CNTN4: variants seen among roughly 807,000 people sequenced by gnomAD.
The protein encoded by CNTN4 is contactin-4.
In CNTN4, 77 loss-of-function variants were observed where a neutral mutation model predicts 122.5. The observed-to-expected ratio is 0.63, with a 90% CI of 0.52 to 0.76. The LOEUF is 0.76. CNTN4 is among the 30% of genes least tolerant of loss of function. The pLI is 0.00. For synonymous variants in CNTN4, 512 were observed against 447.0 expected, an observed-to-expected ratio of 1.15 and a Z score of -1.83; for missense variants, 1,256 against 1,259.1, an observed-to-expected ratio of 1.00 and a Z score of 0.04.
chr3:2,479,016 A>G (rs1400600782), intron 3 of CNTN4, among the ~76,000 whole-genome samples: 2 of 151,874 alleles, frequency 1.3e-5, no homozygotes, highest in Admixed American at 1.3e-4. Flanking sequence ...TTAACTGCAT[A>G]TTCTCTTATT....
At chr3:2,695,058 C>T (rs1054655354) in intron 4 of CNTN4, among the ~76,000 whole-genome samples, 1 of 152,154 alleles carries the variant, frequency 6.6e-6, no homozygotes, top group African/African-American at 2.4e-5. Context: ...GTAGTCAGTG[C>T]ATCTGTTGAC....
chr3:2,617,633 T>C (rs112331963), intron 4 of CNTN4, among the ~76,000 whole-genome samples: 8,890 of 151,926 alleles, frequency 0.059, 877 homozygotes, highest in African/African-American at 0.2. Context: ...ATGTTGGCCA[T>C]GATGGTCTTG....
chr3:2,573,789 G>A (rs538149538), intron 4 of CNTN4, among the ~76,000 whole-genome samples: 3 of 152,064 alleles, frequency 2.0e-5, no homozygotes, highest in Non-Finnish European at 4.4e-5. Context: ...TGTTTTACAC[G>A]GCATTAATAT....
At chr3:2,888,788 C>G (rs529696232) in intron 10 of CNTN4, among the ~76,000 whole-genome samples, 2 of 152,022 alleles carry the variant, frequency 1.3e-5, no homozygotes, top group Non-Finnish European at 1.5e-5. Context: ...AACTCAGTTG[C>G]ACATGCACAT....
chr3:2,692,576 C>G (rs750340663), intron 4 of CNTN4, among the ~76,000 whole-genome samples: 48 of 152,084 alleles, frequency 3.2e-4, no homozygotes, highest in Non-Finnish European at 5.0e-4. Context: ...ATTTCTTTGA[C>G]TAAAATATCC....
At chr3:2,340,685 TTATATATATATA>T (rs373402290) in intron 3 of CNTN4, among the ~76,000 whole-genome samples, 5 of 29,620 alleles carry the variant, frequency 1.7e-4, no homozygotes, top group Admixed American at 6.6e-4. Context: ...GTCATAAATT[TTATATATATATA>T]TATATATATA....
At chr3:3,034,945 A>G (rs1178400847) in intron 17 of CNTN4, among the ~76,000 whole-genome samples, 155 bp downstream of exon 17, 1 of 152,174 alleles carries the variant, frequency 6.6e-6, no homozygotes, top group Non-Finnish European at 1.5e-5. Flanking sequence ...ACTATCATTA[A>G]TATTTTTCTT....
intron 8 of CNTN4, among the ~76,000 whole-genome samples, chr3:2,869,296 A>G (rs12494869): frequency 0.23 from 34,749 of 151,900 alleles, 4,636 homozygotes; most frequent in East Asian, 0.69. Flanking sequence ...TACTACTGCA[A>G]TTAATTCAGT....
intron 3 of CNTN4, among the ~76,000 whole-genome samples, chr3:2,457,724 T>G (rs1193112938): frequency 6.6e-6 from 1 of 152,142 alleles, no homozygotes; most frequent in African/African-American, 2.4e-5. Context: ...ATTGGGCTTA[T>G]GCAGTTGATT....
At chr3:2,913,801 A>G (rs1054899515) in intron 12 of CNTN4, among the ~76,000 whole-genome samples, 1 of 152,230 alleles carries the variant, frequency 6.6e-6, no homozygotes, top group African/African-American at 2.4e-5. Context: ...CCTGTAGGCC[A>G]GTTGGACCTA....
At chr3:2,620,151 C>G (rs2081940158) in intron 4 of CNTN4, among the ~76,000 whole-genome samples, 2 of 152,158 alleles carry the variant, frequency 1.3e-5, no homozygotes, top group African/African-American at 4.8e-5. Context: ...TATTTTACTT[C>G]TCACTTACTT....
intron 3 of CNTN4, among the ~76,000 whole-genome samples, chr3:2,391,098 T>C (rs999808065): frequency 1.3e-5 from 2 of 152,158 alleles, no homozygotes; most frequent in Non-Finnish European, 2.9e-5. Context: ...GTACTGACCT[T>C]CCCTGCTGCA....
intron 3 of CNTN4, among the ~76,000 whole-genome samples, chr3:2,471,677 G>C (rs1017963919): frequency 1.2e-4 from 19 of 152,174 alleles, no homozygotes; most frequent in African/African-American, 4.6e-4. Flanking sequence ...TTGGTTCACA[G>C]TATTCCAAAA....
chr3:2,581,542 A>G (rs755490064), intron 4 of CNTN4, among the ~76,000 whole-genome samples: 1 of 152,204 alleles, frequency 6.6e-6, no homozygotes, highest in East Asian at 1.9e-4. Context: ...TAAGGTAAAT[A>G]CTGTTTTAAC....
At position 3,036,408 on chromosome 3, in the gene CNTN4, G is replaced by A. The variant is rs566975042; in HGVS notation, c.1943-771G>A. The stretch of plus-strand genomic sequence containing the variant: ...GAATTCTAGACCTGACTGCTAATCA[G>A]CTGATCTCTATACATCTTCATTTTC... On this transcript the variant is annotated intron_variant, in intron 17 of 24. Transcript: ENST00000418658. Among the ~76,000 whole-genome samples, 12 of 152,244 alleles carry A rather than the reference G, an allele frequency of 7.9e-5. No individual in the cohort carries two copies. In the South Asian group the frequency reaches 1.5e-3, roughly 18 times the overall value.
chr3:2,551,300 T>G (rs1342820604), intron 3 of CNTN4, among the ~76,000 whole-genome samples: 1 of 152,072 alleles, frequency 6.6e-6, no homozygotes, highest in African/African-American at 2.4e-5. Context: ...GAGAAGAATG[T>G]CAGCTCAAAA....
intron 3 of CNTN4, among the ~76,000 whole-genome samples, chr3:2,466,384 C>A (rs1394694165): frequency 6.6e-6 from 1 of 152,186 alleles, no homozygotes; most frequent in Non-Finnish European, 1.5e-5. Flanking sequence ...TAACTTGTAT[C>A]TTTCACCAAC....
In CNTN4 at chr3:2,558,898, T is replaced by G. The variant is rs116115751; in HGVS notation, c.-88-12518T>G. On this transcript the variant is annotated intron_variant, in intron 3 of 24. Coordinates refer to ENST00000418658, the MANE Select transcript of CNTN4 (RefSeq NM_175607.3). ...TTAAAGAAGAACATAAATAGAATGG[T>G]TAAAAGTAGATTGGCAGCATGTACT... Among the ~76,000 whole-genome samples the G allele has an allele frequency of 1.8e-3, 269 of 152,254 alleles. 3 individuals carry two copies. The highest frequency in any genetic ancestry group is 0.014 in the Middle Eastern group (4 of 294).
intron 2 of CNTN4, among the ~76,000 whole-genome samples, chr3:2,237,630 C>A (rs58223660): frequency 0.15 from 22,786 of 151,882 alleles, 2,200 homozygotes; most frequent in East Asian, 0.4. Flanking sequence ...TTAATATAAC[C>A]TTCTTGAAGG....
Sources: allele counts gnomAD v4.1 joint callset (sites outside exome capture counted in the v4.1 genomes callset), GRCh38; gene constraint gnomAD v4.1.1; transcripts MANE v1.5; gene names NCBI Gene and HGNC (gene_info 2026-07-23, HGNC 2026-07-21).